Variants in FSTL5 observed in about 807,000 individuals in gnomAD.
FSTL5 encodes follistatin-related protein 5.
FSTL5 carries 62 observed loss-of-function variants against 89.1 expected under a neutral mutation model. That is an observed-to-expected ratio of 0.70 (90% CI 0.57 to 0.86). The LOEUF (loss-of-function observed/expected upper bound fraction) is 0.86, where lower values mean the gene tolerates loss of function less well. Ranked by LOEUF, FSTL5 falls within the 40% of genes least tolerant of loss-of-function variation. The pLI is 0.00. For synonymous variants in FSTL5, 383 were observed against 346.2 expected, an observed-to-expected ratio of 1.11 and a Z score of -1.18; for missense variants, 1,057 against 1,001.6, an observed-to-expected ratio of 1.06 and a Z score of -0.75.
chr4:161,458,549 A>G (rs1733444721), intron 14 of FSTL5, among the ~76,000 whole-genome samples: 1 of 152,200 alleles, frequency 6.6e-6, no homozygotes, highest in Non-Finnish European at 1.5e-5. Flanking sequence ...GGGTCTTGTT[A>G]AGAGGGGGAT....
intron 6 of FSTL5, among the ~76,000 whole-genome samples, chr4:161,715,484 CCTGA>C (rs1738942747): frequency 6.6e-6 from 1 of 152,070 alleles, no homozygotes; most frequent in Non-Finnish European, 1.5e-5. Flanking sequence ...TTTTCATCTT[CCTGA>C]CTTTTAGACA....
intron 6 of FSTL5, among the ~76,000 whole-genome samples, chr4:161,729,479 T>C (rs1157020841): frequency 6.6e-6 from 1 of 152,158 alleles, no homozygotes; most frequent in Non-Finnish European, 1.5e-5. Context: ...TCTGCCCTCA[T>C]ACCTGACCTT....
At chr4:161,563,211 G>T (rs56073704) in intron 8 of FSTL5, among the ~76,000 whole-genome samples, 1 of 151,612 alleles carries the variant, frequency 6.6e-6, no homozygotes, top group Admixed American at 6.6e-5. Flanking sequence ...ACAAACACTT[G>T]GGTTGCTTCC....
At chr4:161,873,414 T>C (rs1339424444) in intron 4 of FSTL5, among the ~76,000 whole-genome samples, 2 of 151,958 alleles carry the variant, frequency 1.3e-5, no homozygotes, top group African/African-American at 4.8e-5. Flanking sequence ...GAGCGACATA[T>C]AAAATTACCA....
chr4:161,417,467 T>G (rs1731829624), intron 15 of FSTL5, among the ~76,000 whole-genome samples: 1 of 152,250 alleles, frequency 6.6e-6, no homozygotes, highest in Admixed American at 6.5e-5. Context: ...CATGCTTTAT[T>G]CTTTCCTGGC....
At chr4:161,509,830 A>G (rs1730596143) in intron 11 of FSTL5, among the ~76,000 whole-genome samples, 1 of 152,202 alleles carries the variant, frequency 6.6e-6, no homozygotes, top group Non-Finnish European at 1.5e-5. Context: ...TAACAACTGC[A>G]ATAATATATG....
At chr4:162,030,896 G>A (rs1737496213) in intron 3 of FSTL5, among the ~76,000 whole-genome samples, 2 of 152,064 alleles carry the variant, frequency 1.3e-5, no homozygotes, top group Admixed American at 1.3e-4. Flanking sequence ...TATTAGGGGT[G>A]AACTAATTGT....
intron 1 of FSTL5, among the ~76,000 whole-genome samples, chr4:162,146,783 T>TC (rs1733014918): frequency 6.6e-6 from 1 of 150,660 alleles, no homozygotes; most frequent in Non-Finnish European, 1.5e-5. Flanking sequence ...TTTCTTTCTT[T>TC]GTTTTCTTTT....
chr4:162,033,476 G>C, intron 3 of FSTL5, 149 bp downstream of exon 3: 1 of 537,894 alleles, frequency 1.9e-6, no homozygotes, highest in South Asian at 2.5e-5. Flanking sequence ...AATCCTCATA[G>C]GGCTCAAAAT....
At chr4:162,081,793 T>TTC (rs5863514) in intron 2 of FSTL5, among the ~76,000 whole-genome samples, 4,146 of 148,584 alleles carry the variant, frequency 0.028, 127 homozygotes, top group East Asian at 0.084. Context: ...AGAAAACTGC[T>TTC]TCTCTCTCTC....
chr4:161,856,466 A>G (rs891690842), intron 4 of FSTL5, among the ~76,000 whole-genome samples: 1 of 152,050 alleles, frequency 6.6e-6, no homozygotes, highest in Non-Finnish European at 1.5e-5. Context: ...TTGAAGCAAC[A>G]CTATGGTTTA....
chr4:161,598,558 A>G (rs1734117037), intron 7 of FSTL5, among the ~76,000 whole-genome samples: 1 of 152,176 alleles, frequency 6.6e-6, no homozygotes, highest in African/African-American at 2.4e-5. Context: ...ATTAAAACTA[A>G]GATGAAGTGA....
At chr4:161,478,859 AAAAG>A (rs1419461592) in intron 13 of FSTL5, among the ~76,000 whole-genome samples, 14 of 152,108 alleles carry the variant, frequency 9.2e-5, no homozygotes, top group African/African-American at 4.8e-5. Flanking sequence ...CCACAGCAAT[AAAAG>A]AAAGAATTAC....
intron 2 of FSTL5, among the ~76,000 whole-genome samples, chr4:162,098,845 G>T (rs546357141): frequency 2.6e-5 from 4 of 151,964 alleles, no homozygotes; most frequent in Non-Finnish European, 5.9e-5. Flanking sequence ...TTCAACAAAC[G>T]CTTCTGGAAC....
intron 3 of FSTL5, among the ~76,000 whole-genome samples, chr4:161,997,932 T>C (rs928010142): frequency 6.6e-5 from 10 of 152,054 alleles, no homozygotes; most frequent in African/African-American, 2.4e-4. Context: ...TATATGAATA[T>C]ATAGAGGTGT....
At chr4:161,538,936 TG>T (rs1731726531) in intron 9 of FSTL5, among the ~76,000 whole-genome samples, 1 of 151,934 alleles carries the variant, frequency 6.6e-6, no homozygotes, top group Admixed American at 6.6e-5. Flanking sequence ...GCTAATTTTT[TG>T]TATCTTTAGT....
intron 8 of FSTL5, among the ~76,000 whole-genome samples, chr4:161,572,578 T>C (rs570473113): frequency 2.0e-5 from 3 of 152,250 alleles, no homozygotes; most frequent in East Asian, 1.9e-4. Context: ...CTAATTTTTA[T>C]AGTTACCAGA....
chr4:162,057,256 C>T (rs1738574021), intron 2 of FSTL5, among the ~76,000 whole-genome samples: 1 of 152,132 alleles, frequency 6.6e-6, no homozygotes, highest in Admixed American at 6.5e-5. Flanking sequence ...TTTCCCTCTG[C>T]TCATTCCTTT....
At chr4:162,008,819 C>G (rs1483995682) in intron 3 of FSTL5, among the ~76,000 whole-genome samples, 2 of 151,898 alleles carry the variant, frequency 1.3e-5, no homozygotes, top group African/African-American at 4.8e-5. Context: ...TTACATAGTA[C>G]TCCTCTAGGA....
Sources: gnomAD v4.1 joint callset for allele counts (sites outside exome capture counted in the v4.1 genomes callset) on GRCh38, gnomAD v4.1.1 for gene constraint, MANE v1.5 for transcripts, NCBI Gene and HGNC (gene_info 2026-07-23, HGNC 2026-07-21) for gene names.